CAND2: variants seen among roughly 807,000 people sequenced by gnomAD.
CAND2 encodes the protein cullin associated and neddylation dissociated 2 (putative).
Under a neutral mutation model 98.9 loss-of-function variants are expected in CAND2, and 62 were observed. The ratio of observed to expected loss-of-function variants is 0.63; its 90% CI spans 0.51 to 0.77. The LOEUF (loss-of-function observed/expected upper bound fraction) is 0.77, where lower values mean the gene tolerates loss of function less well. Ranked by LOEUF, CAND2 falls within the 30% of genes least tolerant of loss-of-function variation. The probability of loss-of-function intolerance (pLI) is 0.00; values close to 1 mark genes in which losing one functional copy is unlikely to be tolerated. For synonymous variants in CAND2, 770 were observed against 731.9 expected, an observed-to-expected ratio of 1.05 and a Z score of -0.84; for missense variants, 1,501 against 1,655.2, an observed-to-expected ratio of 0.91 and a Z score of 1.62.
In CAND2 at chr3:12,815,015, A is replaced by G. The variant is rs1026138716; in HGVS notation, c.1007-126A>G. ...AGGGAATGTTCCCCATAGGGTATCT[A>G]TAAATGCTGATCATCAAAAAGTGAA... is the stretch of plus-strand genomic sequence containing the variant. On this transcript the variant is annotated intron_variant, in intron 7 of 14. Transcript: ENST00000456430. The surrounding 1 kb of genome is among the most constrained non-coding windows in gnomAD (Gnocchi z 5.7). The G allele has an allele frequency of 1.1e-6, 1 of 902,356 alleles. No individual in the cohort carries two copies. 55.9% of individuals were successfully genotyped at this position (902,356 alleles called of 1,614,324 possible). A position where few individuals can be genotyped will look rare whatever the true frequency, so the allele number is the denominator to read the frequency against.
intron 5 of CAND2, among the ~76,000 whole-genome samples, 184 bp downstream of exon 5, chr3:12,810,508 C>G (rs1476755395): frequency 6.6e-6 from 1 of 151,918 alleles, no homozygotes; most frequent in African/African-American, 2.4e-5. Context: ...CTGGGGCGGG[C>G]GGCTGAAGCC....
At chr3:12,799,686 C>T (rs576293368) in intron 1 of CAND2, among the ~76,000 whole-genome samples, 1 of 152,332 alleles carries the variant, frequency 6.6e-6, no homozygotes, top group South Asian at 2.1e-4. Flanking sequence ...CAGAGATAAA[C>T]CTGATGAGCC....
Position 12,813,262 on chromosome 3 carries a change from G to C in CAND2, c.880G>C (p.Gly294Arg). The C allele has an allele frequency of 1.9e-6, 3 of 1,613,498 alleles. No individual in the cohort carries two copies. Among genetic ancestry groups the C allele is most frequent in the Non-Finnish European group, 2.5e-6 (3 of 1,179,930 alleles). The change falls in exon 7 of 15, where the codon GGT becomes CGT. Residue 294 changes from glycine (G) to arginine (R), a missense_variant. By Grantham distance (125) the Gly-to-Arg change is moderately radical (BLOSUM62 -2). Around this residue, in one of 3 missense-constraint regions of CAND2, gnomAD observed 1,427 missense variants for 1,545.3 expected, o/e 0.92. Transcript: ENST00000456430. ...GCCCCACAGGTGCCCCAAGGAAATG[G>C]GTCCTCACGTGCCCAACGTGACCAG... ...AFLRKCPKEM[G>R]PHVPNVTSLC...
At chr3:12,828,787 ACTC>A (rs910345207) in intron 13 of CAND2, among the ~76,000 whole-genome samples, 1 of 151,980 alleles carries the variant, frequency 6.6e-6, no homozygotes, top group Non-Finnish European at 1.5e-5. Flanking sequence ...GAATTTGACT[ACTC>A]TAGGTTTCTG....
rs1200118636 is a variant in CAND2, at chr3:12,833,811, T to C, written c.3540T>C (p.Ser1180=). Residue 1180 remains serine, a synonymous_variant, in exon 15 of 15, where the codon TCT becomes TCC. Coordinates refer to ENST00000456430, the MANE Select transcript of CAND2 (RefSeq NM_001162499.2). ...EFEKQDELKR[S]AMRAVAALLT... is the part of the protein sequence containing the mutation. ...AAAAGCAAGATGAACTGAAGCGCTC[T>C]GCAATGAGGGCAGTGGCTGCCCTGC... The C allele has an allele frequency of 1.2e-6, 2 of 1,614,096 alleles. No individual in the cohort carries two copies. The highest frequency in any genetic ancestry group is 1.1e-5 in the South Asian group (1 of 91,092).
In CAND2 at chr3:12,815,136, C is replaced by A; in HGVS notation, c.1007-5C>A. 6.2e-7 allele frequency: 1 copy of A among 1,601,152 alleles called. No individual in the cohort carries two copies. Among genetic ancestry groups the A allele is most frequent in the Non-Finnish European group, 8.5e-7 (1 of 1,171,052 alleles). ...GGTTCCACGTGTGTCTTGTTCCTGC[C>A]CCAGAGAGTGAAGACGAGTACAGCG... On this transcript the variant is annotated splice_polypyrimidine_tract_variant and splice_region_variant and intron_variant, in intron 7 of 14. Coordinates refer to ENST00000456430, the MANE Select transcript of CAND2 (RefSeq NM_001162499.2). This position sits in a 1 kb window ranked among gnomAD's most constrained non-coding sequence, Gnocchi z 5.7.
intron 5 of CAND2, among the ~76,000 whole-genome samples, chr3:12,811,924 A>T: frequency 7.2e-6 from 1 of 139,238 alleles, no homozygotes; most frequent in African/African-American, 2.8e-5. Flanking sequence ...TTTCTTTTTG[A>T]GACTGAGTCT....
chr3:12,820,759 C>T (rs1454791824), intron 11 of CAND2, among the ~76,000 whole-genome samples: 1 of 152,308 alleles, frequency 6.6e-6, no homozygotes, highest in East Asian at 1.9e-4. Context: ...AGAGCCCTCG[C>T]CCCTTCAGAG....
chr3:12,815,508 G>A lies in CAND2; in HGVS notation c.1299+75G>A. On this transcript the variant is annotated intron_variant, in intron 8 of 14. Transcript: ENST00000456430. The surrounding 1 kb of genome is among the most constrained non-coding windows in gnomAD (Gnocchi z 5.7). The stretch of plus-strand genomic sequence containing the variant: ...ACTCACTGTTAGTGTCCCTGGACTT[G>A]GAAACTCAGCTGGGAGAACATCCAG... 1 of 1,434,174 alleles carries A rather than the reference G, an allele frequency of 7.0e-7. No individual in the cohort carries two copies. Among genetic ancestry groups the A allele is most frequent in the Non-Finnish European group, 9.5e-7 (1 of 1,052,986 alleles). 88.8% of individuals were successfully genotyped at this position (1,434,174 alleles called of 1,614,324 possible). A position where few individuals can be genotyped will look rare whatever the true frequency, so the allele number is the denominator to read the frequency against.
At position 12,834,053 on chromosome 3, in the gene CAND2, C is replaced by A; in HGVS notation, c.*71C>A. 1 of 1,261,648 alleles carries A rather than the reference C, an allele frequency of 7.9e-7. No individual in the cohort carries two copies. The highest frequency in any genetic ancestry group is 1.7e-5 in the Admixed American group (1 of 57,472). The allele number at this position is 1,261,648 out of a possible 1,614,324, so 78.2% of individuals were successfully genotyped here. ...ACCCAAGTCCGAGGCCTCCCCATCC[C>A]ACCATCGCAGGTCTCTACTTTTGCC... On this transcript the variant is annotated 3_prime_UTR_variant, in exon 15 of 15. Coordinates refer to ENST00000456430, the MANE Select transcript of CAND2 (RefSeq NM_001162499.2).
At chr3:12,831,430 C>G (rs765470902) in intron 13 of CAND2, 35 bp from the exon 14 acceptor site, 1 of 1,558,222 alleles carries the variant, frequency 6.4e-7, no homozygotes, top group Non-Finnish European at 8.8e-7. Flanking sequence ...GCTCCTGCAC[C>G]ATTTCACTAA....
In CAND2 at chr3:12,810,050, G is replaced by C. The variant is rs2061837983; in HGVS notation, c.492-9G>C. 7.1e-7 allele frequency: 1 copy of C among 1,409,252 alleles called. No individual in the cohort carries two copies. Among genetic ancestry groups the C allele is most frequent in the Middle Eastern group, 1.9e-4 (1 of 5,322 alleles). The allele number at this position is 1,409,252 out of a possible 1,614,324, so 87.3% of individuals were successfully genotyped here. ...TGCGATCGGCCTGATGCCCCCTCGT[G>C]CTCCCCAGGCTGGGTGTCCCGCTGG... On this transcript the variant is annotated splice_polypyrimidine_tract_variant and intron_variant, in intron 4 of 14. Coordinates refer to ENST00000456430, the MANE Select transcript of CAND2 (RefSeq NM_001162499.2).
Position 12,813,393 on chromosome 3 carries a change from G to C in CAND2, c.1006+5G>C. 6.2e-7 allele frequency: 1 copy of C among 1,612,262 alleles called. No homozygotes were observed. Among genetic ancestry groups the C allele is most frequent in the Non-Finnish European group, 8.5e-7 (1 of 1,179,064 alleles). ...ATAGTGAATTCAGTGAGCAAGGTTG[G>C]TGGACAGCCCATCATTGGGGTTGGA... On this transcript the variant is annotated splice_donor_5th_base_variant and intron_variant, in intron 7 of 14. Coordinates refer to ENST00000456430, the MANE Select transcript of CAND2 (RefSeq NM_001162499.2).
intron 14 of CAND2, chr3:12,832,264 C>T (rs1185257115): frequency 6.6e-6 from 1 of 152,144 alleles, no homozygotes; most frequent in East Asian, 1.9e-4. Context: ...TTCATAGAAA[C>T]CTGCCTTGTA....
rs777087597 is a variant in CAND2, at chr3:12,816,997, C to T, written c.2065C>T (p.Pro689Ser). The change falls in exon 10 of 15, where the codon CCG (proline) becomes TCG (serine). Residue 689 changes from proline (P) to serine (S), a missense_variant. By Grantham distance (74) the Pro-to-Ser change is moderately conservative. Around this residue, in one of 3 missense-constraint regions of CAND2, gnomAD observed 1,427 missense variants for 1,545.3 expected, o/e 0.92. Coordinates refer to ENST00000456430, the MANE Select transcript of CAND2 (RefSeq NM_001162499.2). ...CCAGAGCCAGGGCCTCAGCCTCCCA[C>T]CGTCTGCCGTGCAGGCCGTGCTGGC... is the stretch of plus-strand genomic sequence containing the variant. Reference protein sequence around the residue: ...LAQSQGLSLPPSAVQAVLAEL... With the variant: ...LAQSQGLSLPSSAVQAVLAEL... The T allele has an allele frequency of 5.0e-6, 8 of 1,612,996 alleles. No individual in the cohort carries two copies. Among genetic ancestry groups the T allele is most frequent in the Admixed American group, 3.3e-5 (2 of 59,984 alleles).
At position 12,803,554 on chromosome 3, in the gene CAND2, C is replaced by T. The variant is rs989662760; in HGVS notation, c.135C>T (p.Ser45=). 26 of 1,613,208 alleles carry T rather than the reference C, an allele frequency of 1.6e-5. No homozygotes were observed. Among genetic ancestry groups the T allele is most frequent in the African/African-American group, 4.0e-5 (3 of 74,868 alleles). Residue 45 remains serine, a synonymous_variant, in exon 2 of 15, where the codon AGC becomes AGT. Coordinates refer to ENST00000456430, the MANE Select transcript of CAND2 (RefSeq NM_001162499.2). The part of the protein sequence containing the change: ...QKDSIQLDED[S]ERKVVKMLLR... ...ACTCCATCCAGCTGGACGAGGACAG[C>T]GAGCGCAAGGTGGTGAAGATGCTGC...
At chr3:12,807,585 CAGCT>C (rs1353035982) in intron 3 of CAND2, 125 bp downstream of exon 3, 2 of 954,882 alleles carry the variant, frequency 2.1e-6, no homozygotes, top group African/African-American at 3.3e-5. Context: ...TGAGGTCACT[CAGCT>C]AGTAAGCAGG....
chr3:12,797,892 G>A (rs919405542), intron 1 of CAND2, among the ~76,000 whole-genome samples: 1 of 152,032 alleles, frequency 6.6e-6, no homozygotes, highest in Non-Finnish European at 1.5e-5. Context: ...CTGCTCTGGT[G>A]GTCTGACTCC....
At chr3:12,827,346 G>T in intron 12 of CAND2, 94 bp from the exon 13 acceptor site, 1 of 1,248,564 alleles carries the variant, frequency 8.0e-7, no homozygotes, top group Non-Finnish European at 1.1e-6. Context: ...GGCTGGCATG[G>T]ATTGTGGAAT....
Sources: allele counts gnomAD v4.1 joint callset (sites outside exome capture counted in the v4.1 genomes callset), GRCh38; gene constraint gnomAD v4.1.1; regional missense constraint gnomAD v4.1.1; non-coding constraint Gnocchi (gnomAD v3.1); transcripts MANE v1.5; gene names NCBI Gene and HGNC (gene_info 2026-07-23, HGNC 2026-07-21).